Variants in MTUS1 observed in about 807,000 individuals in gnomAD.
MTUS1 encodes microtubule-associated tumor suppressor 1.
Under a neutral mutation model 120.8 loss-of-function variants are expected in MTUS1, and 109 were observed. The ratio of observed to expected loss-of-function variants is 0.90; its 90% CI spans 0.77 to 1.06. The LOEUF is 1.06. Ranked by LOEUF, MTUS1 falls within the 50% of genes least tolerant of loss-of-function variation. The pLI is 0.00. For missense variants in MTUS1, 2,210 were observed against 1,486.3 expected, an observed-to-expected ratio of 1.49 and a Z score of -8.01; for synonymous variants, 737 against 550.5, an observed-to-expected ratio of 1.34 and a Z score of -4.74.
rs769652950 is a variant in MTUS1 at position 17,753,723 on chromosome 8, CAG to C, written c.2083_2084del (p.Leu695ValfsTer14). The C allele has an allele frequency of 1.9e-6, 3 of 1,592,366 alleles. No individual in the cohort carries two copies. Among genetic ancestry groups the C allele is most frequent in the South Asian group, 1.2e-5 (1 of 86,450 alleles). On this transcript the variant is annotated frameshift_variant, in exon 2 of 15. Transcript: ENST00000693296. LOFTEE classifies it high-confidence loss of function. ...IMNETFEYGS[L>X]FLGSASKTTT... ...ATATATATATATTACTTACCAAAAA[CAG>C]AGAACCATATTCAAAAGTCTCATTC...
intron 2 of MTUS1, among the ~76,000 whole-genome samples, chr8:17,752,896 A>G (rs1236798229): frequency 6.6e-6 from 1 of 152,176 alleles, no homozygotes; most frequent in East Asian, 1.9e-4. Flanking sequence ...GTGGCCTGTC[A>G]AATGTTTTTA....
chr8:17,712,749 G>C lies in MTUS1; in HGVS notation c.2623+465C>G, dbSNP rs547723468. ...GGGTTCTTGAGAGACATAAAGTTTTGGATTCTCAGCTGTGGTTCAAATAGT... is the reference window on the plus strand; with the variant it reads ...GGGTTCTTGAGAGACATAAAGTTTTCGATTCTCAGCTGTGGTTCAAATAGT... On this transcript the variant is annotated intron_variant, in intron 6 of 14. Coordinates refer to ENST00000693296, the MANE Select transcript of MTUS1 (RefSeq NM_001363059.2). 5.3e-5 allele frequency among the ~76,000 whole-genome samples: 8 copies of C among 151,988 alleles called. No homozygotes were observed. The South Asian group carries it at 1.7e-3, about 32-fold the overall frequency.
At chr8:17,680,216 C>T (rs1454667760) in intron 7 of MTUS1, among the ~76,000 whole-genome samples, 1 of 151,980 alleles carries the variant, frequency 6.6e-6, no homozygotes, top group Non-Finnish European at 1.5e-5. Flanking sequence ...GTAATCCCAG[C>T]ACTTTGGAAG....
At chr8:17,760,632 A>C (rs1459894423) in intron 1 of MTUS1, among the ~76,000 whole-genome samples, 1 of 152,176 alleles carries the variant, frequency 6.6e-6, no homozygotes, top group Admixed American at 6.5e-5. Context: ...CTAAGCTTGC[A>C]CCACTTGCTC....
At chr8:17,774,146 C>T (rs529776777) in intron 1 of MTUS1, among the ~76,000 whole-genome samples, 38 of 152,270 alleles carry the variant, frequency 2.5e-4, no homozygotes, top group Non-Finnish European at 4.7e-4. Context: ...CCTAGATAAA[C>T]GCTACTAACA....
intron 6 of MTUS1, among the ~76,000 whole-genome samples, chr8:17,694,167 T>G (rs1182983580): frequency 6.6e-6 from 1 of 152,232 alleles, no homozygotes. Flanking sequence ...CCTTAAGTGA[T>G]TCTCTTCCCT....
rs150323579 is a variant in MTUS1, at chr8:17,684,709, T to C, written c.2624-167A>G. On this transcript the variant is annotated intron_variant, in intron 6 of 14. Coordinates refer to ENST00000693296, the MANE Select transcript of MTUS1 (RefSeq NM_001363059.2). ...TGGAATGAATCGGAGATCTAGACGGTTGGAATTCATGAACAGGGACCGTGG... is the reference window on the plus strand; with the variant it reads ...TGGAATGAATCGGAGATCTAGACGGCTGGAATTCATGAACAGGGACCGTGG... 3.6e-3 allele frequency among the ~76,000 whole-genome samples: 546 copies of C among 152,292 alleles called. 5 individuals carry two copies. Among genetic ancestry groups the C allele is most frequent in the African/African-American group, 0.011 (448 of 41,564 alleles).
At chr8:17,744,693 T>TC (rs1381814865) in intron 2 of MTUS1, among the ~76,000 whole-genome samples, 21 of 148,446 alleles carry the variant, frequency 1.4e-4, no homozygotes, top group African/African-American at 5.2e-4. Flanking sequence ...TGTTTTCTTT[T>TC]TTTTTTTTTT....
chr8:17,655,945 T>C lies in MTUS1; in HGVS notation c.3026A>G (p.Glu1009Gly). The change falls in exon 9 of 15, where the codon GAG (glutamate) becomes GGG (glycine). Residue 1009 changes from glutamate (E) to glycine (G), a missense_variant. Glu to Gly is a moderately conservative substitution (Grantham distance 98). Coordinates refer to ENST00000693296, the MANE Select transcript of MTUS1 (RefSeq NM_001363059.2). ...CTTTTCATACTCCCTGGTGTAAAAC[T>C]CTTTAAGCCGATTCTCTCGTTCTGT... ...EKTERENRLKEFYTREYEKLR... is the reference protein window; with the variant it reads ...EKTERENRLKGFYTREYEKLR... The C allele has an allele frequency of 6.2e-7, 1 of 1,614,212 alleles. No homozygotes were observed. Among genetic ancestry groups the C allele is most frequent in the Non-Finnish European group, 8.5e-7 (1 of 1,180,032 alleles).
At chr8:17,753,645 CTA>C in intron 2 of MTUS1, 70 bp downstream of exon 2, 1 of 1,036,186 alleles carries the variant, frequency 9.7e-7, no homozygotes, top group Non-Finnish European at 1.4e-6. Flanking sequence ...TAATAGATAA[CTA>C]AATGCTAACA....
chr8:17,723,992 C>G (rs76170348), intron 3 of MTUS1, 159 bp from the exon 4 acceptor site: 21 of 616,798 alleles, frequency 3.4e-5, no homozygotes, highest in East Asian at 8.2e-5. Flanking sequence ...GAAAGCTTCA[C>G]GCAGACATGT....
chr8:17,653,271 T>C lies in MTUS1; in HGVS notation c.3299A>G (p.Asn1100Ser), dbSNP rs201830393. 1.7e-4 allele frequency: 264 copies of C among 1,554,360 alleles called. No homozygotes were observed. Among genetic ancestry groups the C allele is most frequent in the Admixed American group, 4.3e-4 (19 of 44,026 alleles). ...AGCATCATTTTCACTCTTCAGATCA[T>C]TGATTTGCTTCTAAAACACAATGAA... ...EKQESLEKQINDLKSENDALN... is the reference protein window; with the variant it reads ...EKQESLEKQISDLKSENDALN... The change falls in exon 12 of 15, where the codon AAT becomes AGT. Residue 1100 changes from asparagine (N) to serine (S), a missense_variant. Physicochemically the swap from Asn to Ser is conservative, Grantham distance 46 (BLOSUM62 1). Transcript: ENST00000693296.
intron 6 of MTUS1, among the ~76,000 whole-genome samples, chr8:17,711,963 ACT>A (rs1439081422): frequency 6.6e-6 from 1 of 152,214 alleles, no homozygotes; most frequent in African/African-American, 2.4e-5. Context: ...AGCTGTGTTC[ACT>A]GTCTTAGATG....
intron 1 of MTUS1, among the ~76,000 whole-genome samples, chr8:17,775,652 T>C (rs1263109059): frequency 2.0e-5 from 3 of 152,130 alleles, no homozygotes; most frequent in Non-Finnish European, 4.4e-5. Flanking sequence ...CATAGAAGAG[T>C]AAAATTATCA....
intron 1 of MTUS1, among the ~76,000 whole-genome samples, chr8:17,761,901 A>T (rs1200168644): frequency 2.6e-5 from 4 of 152,224 alleles, no homozygotes; most frequent in Non-Finnish European, 5.9e-5. Context: ...TAAAACCCAA[A>T]ATATTACCTG....
At chr8:17,739,499 A>G (rs2047162278) in intron 3 of MTUS1, among the ~76,000 whole-genome samples, 1 of 145,880 alleles carries the variant, frequency 6.9e-6, no homozygotes, top group African/African-American at 2.5e-5. Flanking sequence ...CATCTCATAA[A>G]TAAATAAATA....
intron 6 of MTUS1, among the ~76,000 whole-genome samples, chr8:17,690,615 T>G (rs1437080197): frequency 2.0e-5 from 3 of 152,146 alleles, no homozygotes; most frequent in Non-Finnish European, 4.4e-5. Context: ...ACATTAAACA[T>G]TAGAAATATT....
chr8:17,797,452 G>T (rs1175384382), intron 1 of MTUS1, among the ~76,000 whole-genome samples: 2 of 150,266 alleles, frequency 1.3e-5, no homozygotes, highest in Non-Finnish European at 3.0e-5. Flanking sequence ...AAAGTTAGAA[G>T]AAATTACAAG....
chr8:17,651,179 G>A (rs770745382), intron 12 of MTUS1, among the ~76,000 whole-genome samples: 2 of 152,128 alleles, frequency 1.3e-5, no homozygotes, highest in Non-Finnish European at 2.9e-5. Context: ...GGAGAGGTAT[G>A]CGTGTGTATG....
Sources: allele counts gnomAD v4.1 joint callset (sites outside exome capture counted in the v4.1 genomes callset), GRCh38; gene constraint gnomAD v4.1.1; transcripts MANE v1.5; gene names NCBI Gene and HGNC (gene_info 2026-07-23, HGNC 2026-07-21).